EML6: variants seen among roughly 807,000 people sequenced by gnomAD.
The protein encoded by EML6 is echinoderm microtubule-associated protein-like 6.
In EML6, 154 loss-of-function variants were observed where a neutral mutation model predicts 240.1. The observed-to-expected ratio is 0.64, with a 90% CI of 0.56 to 0.73. EML6 has a LOEUF of 0.73. EML6 is among the 30% of genes least tolerant of loss of function. The pLI, the probability that EML6 is intolerant of heterozygous loss-of-function variation, is 0.00. For synonymous variants in EML6, 1,148 were observed against 899.0 expected, an observed-to-expected ratio of 1.28 and a Z score of -4.95; for missense variants, 2,964 against 2,474.6, an observed-to-expected ratio of 1.20 and a Z score of -4.20.
At chr2:54,881,105 A>AC (rs1201098248) in intron 17 of EML6, 1 of 152,246 alleles carries the variant, frequency 6.6e-6, no homozygotes, top group East Asian at 1.9e-4. Flanking sequence ...CATTCCCAAA[A>AC]CAGGATACCT....
At chr2:54,802,456 T>A (rs939523076) in intron 2 of EML6, among the ~76,000 whole-genome samples, 6 of 151,736 alleles carry the variant, frequency 4.0e-5, no homozygotes, top group Non-Finnish European at 8.8e-5. Flanking sequence ...TCAAACCCCA[T>A]CTCTACAAAA....
chr2:54,860,223 C>CT (rs1467664533), intron 12 of EML6, among the ~76,000 whole-genome samples: 3 of 152,286 alleles, frequency 2.0e-5, no homozygotes, highest in South Asian at 4.1e-4. Context: ...ACATAGTGCC[C>CT]TAACTCTAGG....
At chr2:54,891,641 A>G (rs534618263) in intron 18 of EML6, among the ~76,000 whole-genome samples, 1 of 152,332 alleles carries the variant, frequency 6.6e-6, no homozygotes, top group East Asian at 1.9e-4. Flanking sequence ...AACATAGAGG[A>G]TATCTCATTC....
chr2:54,928,219 T>C (rs1674659549), intron 26 of EML6, 94 bp from the exon 27 acceptor site: 1 of 986,236 alleles, frequency 1.0e-6, no homozygotes, highest in African/African-American at 1.6e-5. Context: ...TGTTGAACTG[T>C]TTCCTTTGTA....
At chr2:54,922,070 A>T (rs1189699098) in intron 26 of EML6, among the ~76,000 whole-genome samples, 2 of 152,224 alleles carry the variant, frequency 1.3e-5, no homozygotes, top group Admixed American at 1.3e-4. Flanking sequence ...CAAGTGAGAC[A>T]ACATCAAACT....
At chr2:54,902,065 C>T (rs770249336) in intron 22 of EML6, among the ~76,000 whole-genome samples, 9 of 152,156 alleles carry the variant, frequency 5.9e-5, no homozygotes, top group Non-Finnish European at 8.8e-5. Flanking sequence ...ACATCTTTCA[C>T]CTCTAGAGTT....
In EML6 at chr2:54,948,871, C is replaced by T; in HGVS notation, c.4005-11C>T. The T allele has an allele frequency of 6.5e-7, 1 of 1,549,946 alleles. No individual in the cohort carries two copies. On this transcript the variant is annotated splice_polypyrimidine_tract_variant and intron_variant, in intron 28 of 41. Coordinates refer to ENST00000356458, the MANE Select transcript of EML6 (RefSeq NM_001039753.4). The stretch of plus-strand genomic sequence containing the variant: ...CAATGCTGTGCTTCCTCTGGCCGCT[C>T]TCTCTTCCAGACCACCCGTTAGCCG...
At chr2:54,846,781 G>A (rs1669781643) in intron 8 of EML6, among the ~76,000 whole-genome samples, 1 of 151,522 alleles carries the variant, frequency 6.6e-6, no homozygotes, top group African/African-American at 2.4e-5. Context: ...ACTGTGTCTG[G>A]CGCATACTTT....
At chr2:54,912,671 G>T (rs1673703901) in intron 25 of EML6, among the ~76,000 whole-genome samples, 1 of 152,140 alleles carries the variant, frequency 6.6e-6, no homozygotes, top group African/African-American at 2.4e-5. Context: ...TTGGTATTCT[G>T]TTCCTGCGTT....
intron 15 of EML6, 112 bp from the exon 16 acceptor site, chr2:54,871,388 C>G (rs1482601921): frequency 3.9e-6 from 3 of 770,774 alleles, no homozygotes; most frequent in African/African-American, 3.5e-5. Flanking sequence ...TAGGGTCCTT[C>G]TATTCTCCAA....
intron 7 of EML6, among the ~76,000 whole-genome samples, chr2:54,834,039 G>A (rs1669007724): frequency 6.6e-6 from 1 of 152,062 alleles, no homozygotes; most frequent in Non-Finnish European, 1.5e-5. Context: ...AATGCATCTG[G>A]CACCAAAGGA....
chr2:54,962,795 G>C, intron 36 of EML6, 84 bp downstream of exon 36: 1 of 1,195,230 alleles, frequency 8.4e-7, no homozygotes, highest in Non-Finnish European at 1.1e-6. Context: ...CCCAGCCAGC[G>C]TCATGGCAGA....
intron 2 of EML6, among the ~76,000 whole-genome samples, chr2:54,753,846 A>C (rs1684281959): frequency 6.6e-6 from 1 of 151,756 alleles, no homozygotes; most frequent in South Asian, 2.1e-4. Context: ...TAATTAAAAA[A>C]ATTTTTTTGG....
At chr2:54,846,582 C>G (rs1490117138) in intron 8 of EML6, among the ~76,000 whole-genome samples, 2 of 151,210 alleles carry the variant, frequency 1.3e-5, no homozygotes. Context: ...CTCCTAGGCT[C>G]AAGCTATCCT....
At position 54,916,919 on chromosome 2, in the gene EML6, T is replaced by C; in HGVS notation, c.3659T>C (p.Phe1220Ser). ...GATGATTTTGGTTTCGTTAAGCTTT[T>C]TTCATATCCTGTCAAGGTAATATTG... is the stretch of plus-strand genomic sequence containing the variant. Reference protein sequence around the residue: ...TGDDFGFVKLFSYPVKGQHAR... With the variant: ...TGDDFGFVKLSSYPVKGQHAR... Residue 1220 changes from phenylalanine to serine, a missense_variant, in exon 26 of 42, where the codon TTT (phenylalanine) becomes TCT (serine). Phe to Ser is a radical substitution (Grantham distance 155). Transcript: ENST00000356458. The C allele has an allele frequency of 6.5e-7, 1 of 1,544,208 alleles. No homozygotes were observed. The highest frequency in any genetic ancestry group is 8.8e-7 in the Non-Finnish European group (1 of 1,140,584).
chr2:54,868,499 A>T (rs1671086453), intron 14 of EML6: 2 of 152,178 alleles, frequency 1.3e-5, no homozygotes, highest in Non-Finnish European at 2.9e-5. Flanking sequence ...TTATTCTCTT[A>T]AATAATTAGG....
At chr2:54,928,555 A>C in intron 27 of EML6, 41 bp downstream of exon 27, 1 of 1,548,698 alleles carries the variant, frequency 6.5e-7, no homozygotes, top group Non-Finnish European at 8.7e-7. Context: ...CGCCGAATGC[A>C]CCTCCCAACA....
At chr2:54,815,882 C>T (rs985342601) in intron 3 of EML6, among the ~76,000 whole-genome samples, 1 of 152,198 alleles carries the variant, frequency 6.6e-6, no homozygotes, top group Non-Finnish European at 1.5e-5. Context: ...CACTCTTACA[C>T]TTGGGGAATA....
chr2:54,948,368 G>C (rs1303174614), intron 28 of EML6, among the ~76,000 whole-genome samples: 2 of 152,126 alleles, frequency 1.3e-5, no homozygotes, highest in African/African-American at 4.8e-5. Context: ...AAGTGAGGCC[G>C]ACCTAGGCAC....
Sources: allele counts gnomAD v4.1 joint callset (sites outside exome capture counted in the v4.1 genomes callset), GRCh38; gene constraint gnomAD v4.1.1; transcripts MANE v1.5; gene names NCBI Gene and HGNC (gene_info 2026-07-23, HGNC 2026-07-21).